Variants in CRTAM observed in about 807,000 individuals in gnomAD.
CRTAM encodes cytotoxic and regulatory T-cell molecule.
In CRTAM, 44 loss-of-function variants were observed where a neutral mutation model predicts 50.0. The ratio of observed to expected loss-of-function variants is 0.88; its 90% CI spans 0.69 to 1.13. CRTAM has a LOEUF of 1.13. CRTAM is among the 50% of genes most tolerant of loss of function. The pLI, the probability that CRTAM is intolerant of heterozygous loss-of-function variation, is 0.00. For missense variants in CRTAM, 448 were observed against 457.5 expected (o/e 0.98, Z 0.19); for synonymous variants, 159 against 169.3 (o/e 0.94, Z 0.47).
chr11:122,864,825 C>T (rs1862147752), intron 7 of CRTAM, 106 bp downstream of exon 7: 1 of 781,716 alleles, frequency 1.3e-6, no homozygotes, highest in Non-Finnish European at 2.2e-6. Flanking sequence ...CCTTTCTGCC[C>T]TTTAGGACAT....
chr11:122,854,486 A>G (rs138355139), intron 4 of CRTAM, among the ~76,000 whole-genome samples: 2,624 of 151,294 alleles, frequency 0.017, 78 homozygotes, highest in African/African-American at 0.061. Context: ...CAGCCTGACC[A>G]ACATGGAGAA....
chr11:122,843,583 G>A (rs1208199913), intron 1 of CRTAM, among the ~76,000 whole-genome samples: 1 of 152,126 alleles, frequency 6.6e-6, no homozygotes, highest in Non-Finnish European at 1.5e-5. Flanking sequence ...GGTCTAATAA[G>A]AAAGCTTAAA....
chr11:122,851,673 T>C lies in CRTAM; in HGVS notation c.194-20T>C. On this transcript the variant is annotated intron_variant, in intron 2 of 9. Transcript: ENST00000227348. ...ATCGGATATCTTTCCTCATAACAGC[T>C]CTATTTCCCTCTTGTACAGCTTTAA... 6.2e-7 allele frequency: 1 copy of C among 1,613,386 alleles called. No individual in the cohort carries two copies. Among genetic ancestry groups the C allele is most frequent in the Non-Finnish European group, 8.5e-7 (1 of 1,179,340 alleles).
At chr11:122,844,754 G>A (rs891617828) in intron 1 of CRTAM, among the ~76,000 whole-genome samples, 1 of 152,238 alleles carries the variant, frequency 6.6e-6, no homozygotes, top group Non-Finnish European at 1.5e-5. Flanking sequence ...GAGTAAAACA[G>A]TAAGCATCAC....
At chr11:122,867,603 T>C (rs760543026) in intron 8 of CRTAM, 48 bp downstream of exon 8, 2 of 1,570,138 alleles carry the variant, frequency 1.3e-6, no homozygotes, top group East Asian at 2.2e-5. Flanking sequence ...CCAGAACAAA[T>C]GGCTAAAAAA....
rs1862268538 is a variant in CRTAM, at chr11:122,872,474, T to A, written c.*1075T>A. 6.6e-6 allele frequency: 1 copy of A among 152,662 alleles called. No individual in the cohort carries two copies. The highest frequency in any genetic ancestry group is 1.5e-5 in the Non-Finnish European group (1 of 68,048). The allele number at this position is 152,662 out of a possible 1,614,324, so 9.5% of individuals were successfully genotyped here. On this transcript the variant is annotated 3_prime_UTR_variant, in exon 10 of 10. Transcript: ENST00000227348. ...TAATAAAAAGCAGAATAGATGTTTGTTTTTCTAGTGGTTATACCAAGTTAT... is the reference window on the plus strand; with the variant it reads ...TAATAAAAAGCAGAATAGATGTTTGATTTTCTAGTGGTTATACCAAGTTAT...
intron 1 of CRTAM, among the ~76,000 whole-genome samples, chr11:122,849,555 C>G (rs556753802): frequency 3.3e-5 from 5 of 152,166 alleles, no homozygotes; most frequent in African/African-American, 1.2e-4. Context: ...AACCACGTCT[C>G]TACTAAAAAC....
chr11:122,855,598 C>A, intron 4 of CRTAM, 97 bp from the exon 5 acceptor site: 1 of 1,022,212 alleles, frequency 9.8e-7, no homozygotes, highest in Non-Finnish European at 1.5e-6. Context: ...GGTTAGAAAT[C>A]TAATGTTTGC....
At chr11:122,840,423 G>A (rs1487150275) in intron 1 of CRTAM, among the ~76,000 whole-genome samples, 2 of 145,196 alleles carry the variant, frequency 1.4e-5, no homozygotes, top group Admixed American at 6.8e-5. Context: ...TAATTAACGT[G>A]TGTGTGTGTG....
rs1276749891 is a variant in CRTAM, at chr11:122,872,528, A to G, written c.*1129A>G. On this transcript the variant is annotated 3_prime_UTR_variant, in exon 10 of 10. Coordinates refer to ENST00000227348, the MANE Select transcript of CRTAM (RefSeq NM_019604.4). ...TCCTGTTTTCACGTGTGAAAGTAAC[A>G]TGGGACATGCCTTTCTTTTCCGATC... The G allele has an allele frequency of 2.0e-5, 3 of 152,666 alleles. No individual in the cohort carries two copies. The highest frequency in any genetic ancestry group is 2.9e-5 in the Non-Finnish European group (2 of 68,048). 9.5% of individuals were successfully genotyped at this position (152,666 alleles called of 1,614,324 possible).
At chr11:122,866,256 C>T (rs967315954) in intron 7 of CRTAM, among the ~76,000 whole-genome samples, 1 of 152,042 alleles carries the variant, frequency 6.6e-6, no homozygotes, top group African/African-American at 2.4e-5. Context: ...GAAGAGGAGA[C>T]CTCCTCTCAC....
chr11:122,869,794 C>T (rs897013256), intron 9 of CRTAM, among the ~76,000 whole-genome samples: 2 of 152,124 alleles, frequency 1.3e-5, no homozygotes, highest in Admixed American at 6.6e-5. Context: ...AATAGATGTA[C>T]TAGCTGGGAA....
At chr11:122,844,285 A>G (rs1861835037) in intron 1 of CRTAM, among the ~76,000 whole-genome samples, 1 of 152,254 alleles carries the variant, frequency 6.6e-6, no homozygotes, top group Admixed American at 6.5e-5. Flanking sequence ...GAAAAATGAT[A>G]CATACAACCT....
intron 2 of CRTAM, 103 bp downstream of exon 2, chr11:122,850,317 G>A: frequency 8.2e-7 from 1 of 1,226,072 alleles, no homozygotes; most frequent in Non-Finnish European, 1.1e-6. Context: ...GTCACCCAAG[G>A]GGTGGGCTCA....
rs58440037 is a variant in CRTAM at position 122,868,188 on chromosome 11, A to ATGTGTGTGTGTGTG, written c.1051+125_1051+138dup. On this transcript the variant is annotated intron_variant, in intron 9 of 9. Transcript: ENST00000227348. ...TCCAGAGAGACAGAGACAACAGAATATGTGTGTGTGTGTGTGTGTGTGTGT... is the reference window on the plus strand; with the variant it reads ...TCCAGAGAGACAGAGACAACAGAATATGTGTGTGTGTGTGTGTGTGTGTGTGTGTGTGTGTGTGT... The ATGTGTGTGTGTGTG allele has an allele frequency of 1.5e-3, 649 of 439,934 alleles. 6 individuals are homozygous for ATGTGTGTGTGTGTG. The highest frequency in any genetic ancestry group is 1.7e-3 in the Non-Finnish European group (402 of 239,070). The allele number at this position is 439,934 out of a possible 1,614,324, so 27.3% of individuals were successfully genotyped here. A position where few individuals can be genotyped will look rare whatever the true frequency, so the allele number is the denominator to read the frequency against.
At chr11:122,843,611 A>C (rs1052169143) in intron 1 of CRTAM, among the ~76,000 whole-genome samples, 1 of 152,200 alleles carries the variant, frequency 6.6e-6, no homozygotes, top group Non-Finnish European at 1.5e-5. Flanking sequence ...GGGGATGTAC[A>C]TGTCTCTAGA....
chr11:122,858,504 A>G (rs1173118201), intron 5 of CRTAM, among the ~76,000 whole-genome samples: 1 of 152,060 alleles, frequency 6.6e-6, no homozygotes, highest in East Asian at 1.9e-4. Context: ...TGTTGGGATT[A>G]CAAGCATGAA....
Position 122,867,570 on chromosome 11 carries a change from A to G in CRTAM, c.964+15A>G, listed in dbSNP as rs769137093. On this transcript the variant is annotated intron_variant, in intron 8 of 9. Transcript: ENST00000227348. Reference sequence around the variant, plus strand: ...ATGGAAGAAAGGTCAGTGGGCAGGGAACCTGACGGGGGCTATAAGACGCCA... The same window carrying G: ...ATGGAAGAAAGGTCAGTGGGCAGGGGACCTGACGGGGGCTATAAGACGCCA... 1.9e-6 allele frequency: 3 copies of G among 1,609,826 alleles called. No homozygotes were observed. The Admixed American group carries it at 5.1e-5, about 27-fold the overall frequency.
Position 122,865,829 on chromosome 11 carries a change from T to C in CRTAM, c.817+1110T>C, listed in dbSNP as rs1328321386. On this transcript the variant is annotated intron_variant, in intron 7 of 9. Coordinates refer to ENST00000227348, the MANE Select transcript of CRTAM (RefSeq NM_019604.4). ...TCACTCCTATGTATGTGTACAAATATATCTATGTGTATATGTATATGCATA... is the reference window on the plus strand; with the variant it reads ...TCACTCCTATGTATGTGTACAAATACATCTATGTGTATATGTATATGCATA... Among the ~76,000 whole-genome samples, 3 of 152,208 alleles carry C rather than the reference T, an allele frequency of 2.0e-5. No homozygotes were observed. In the East Asian group the frequency reaches 5.8e-4, roughly 29 times the overall value.
Sources: gnomAD v4.1 joint callset for allele counts (sites outside exome capture counted in the v4.1 genomes callset) on GRCh38, gnomAD v4.1.1 for gene constraint, MANE v1.5 for transcripts, NCBI Gene and HGNC (gene_info 2026-07-23, HGNC 2026-07-21) for gene names.